ENTPD6: variants seen among roughly 807,000 people sequenced by gnomAD.
ENTPD6 encodes ectonucleoside triphosphate diphosphohydrolase 6.
ENTPD6 carries 46 observed loss-of-function variants against 61.5 expected under a neutral mutation model. That is an observed-to-expected ratio of 0.75 (90% CI 0.59 to 0.96). The LOEUF (loss-of-function observed/expected upper bound fraction) is 0.96, where lower values mean the gene tolerates loss of function less well. Ranked by LOEUF, ENTPD6 falls within the 40% of genes least tolerant of loss-of-function variation. ENTPD6 has a pLI of 0.00. For synonymous variants in ENTPD6, 252 were observed against 255.5 expected (o/e 0.99, Z 0.13); for missense variants, 612 against 629.0 (o/e 0.97, Z 0.29).
intron 9 of ENTPD6, among the ~76,000 whole-genome samples, 156 bp from the exon 10 acceptor site, chr20:25,218,394 A>C (rs2092458038): frequency 6.6e-6 from 1 of 152,056 alleles, no homozygotes; most frequent in South Asian, 2.1e-4. Flanking sequence ...AGTTTCCTCA[A>C]CTCTACAGAA....
intron 10 of ENTPD6, among the ~76,000 whole-genome samples, 154 bp downstream of exon 10, chr20:25,218,768 AC>A (rs369178415): frequency 4.7e-4 from 71 of 152,296 alleles, no homozygotes; most frequent in African/African-American, 1.6e-3. Context: ...CATGCTGGGC[AC>A]CCAGCCAGGC....
intron 13 of ENTPD6, 33 bp from the exon 14 acceptor site, chr20:25,225,172 C>T (rs1475504550): frequency 1.9e-6 from 3 of 1,594,200 alleles, no homozygotes; most frequent in Admixed American, 1.7e-5. Flanking sequence ...GTGGGAGTCA[C>T]CTGGAGCGTG....
chr20:25,206,328 C>T (rs898272617), intron 1 of ENTPD6, among the ~76,000 whole-genome samples, 194 bp from the exon 2 acceptor site: 2 of 152,240 alleles, frequency 1.3e-5, no homozygotes, highest in African/African-American at 2.4e-5. Flanking sequence ...AGAGTCGGCC[C>T]ACACTTCTTG....
chr20:25,223,031 G>C, intron 12 of ENTPD6, 53 bp downstream of exon 12: 20 of 1,464,698 alleles, frequency 1.4e-5, no homozygotes, highest in Non-Finnish European at 1.8e-5. Context: ...AGGGGGCGGG[G>C]GTGGAGGGCG....
intron 3 of ENTPD6, among the ~76,000 whole-genome samples, chr20:25,208,016 C>T (rs1052433760): frequency 6.6e-6 from 1 of 152,210 alleles, no homozygotes; most frequent in Admixed American, 6.5e-5. Flanking sequence ...ATGCCCCTCT[C>T]GTGCCCGTGA....
intron 5 of ENTPD6, chr20:25,214,597 G>A: frequency 2.3e-6 from 1 of 437,332 alleles, no homozygotes; most frequent in South Asian, 2.2e-5. Flanking sequence ...AGAGAGGCCT[G>A]AACACACTCA....
At position 25,217,592 on chromosome 20, in the gene ENTPD6, G is replaced by A. The variant is rs201270069; in HGVS notation, c.878+11G>A. ...GCTCTATTCCTACAGGTCTGCTTTC[G>A]GGAACAGGCGTGGGGAGGCGCCATG... On this transcript the variant is annotated intron_variant, in intron 9 of 14. Coordinates refer to ENST00000376652, the MANE Select transcript of ENTPD6 (RefSeq NM_001247.5). The A allele has an allele frequency of 2.2e-5, 35 of 1,613,374 alleles. No individual in the cohort carries two copies. Among genetic ancestry groups the A allele is most frequent in the African/African-American group, 5.3e-5 (4 of 74,826 alleles).
chr20:25,206,473 A>G, intron 1 of ENTPD6, 49 bp from the exon 2 acceptor site: 1 of 1,450,694 alleles, frequency 6.9e-7, no homozygotes, highest in South Asian at 1.2e-5. Context: ...ACTCTAGTAG[A>G]ATTTTTGTAG....
At chr20:25,197,803 A>T (rs539603491) in intron 1 of ENTPD6, among the ~76,000 whole-genome samples, 1 of 152,312 alleles carries the variant, frequency 6.6e-6, no homozygotes, top group South Asian at 2.1e-4. Flanking sequence ...GTCTTCCTGA[A>T]CTTGGTGTGT....
chr20:25,196,759 G>T (rs1392786136), intron 1 of ENTPD6, among the ~76,000 whole-genome samples: 2 of 152,176 alleles, frequency 1.3e-5, no homozygotes, highest in African/African-American at 4.8e-5. Flanking sequence ...CACCCGCTGT[G>T]CAAGAGCCAT....
rs532867199 is a variant in ENTPD6 at position 25,211,202 on chromosome 20, G to A, written c.453+1277G>A. Reference sequence around the variant, plus strand: ...TAGTACATTGCTCTTGTCCACAAACGTGTCATGGTCTCAGACAATGTAGTT... The same window carrying A: ...TAGTACATTGCTCTTGTCCACAAACATGTCATGGTCTCAGACAATGTAGTT... On this transcript the variant is annotated intron_variant, in intron 4 of 14. Transcript: ENST00000376652. Among the ~76,000 whole-genome samples the A allele has an allele frequency of 2.6e-5, 4 of 152,252 alleles. No homozygotes were observed. In the South Asian group the frequency reaches 6.2e-4, roughly 24 times the overall value.
chr20:25,217,976 CTCCTCCTCCTCCCACCTCCTCTG>C (rs1424062521), intron 9 of ENTPD6, among the ~76,000 whole-genome samples: 1 of 140,306 alleles, frequency 7.1e-6, no homozygotes, highest in African/African-American at 2.8e-5. Flanking sequence ...CCTCTCTCTC[CTCCTCCTCCTCCCACCTCCTCTG>C]TCCTCCTCCT....
chr20:25,207,166 CTG>C lies in ENTPD6; in HGVS notation c.152_153del (p.Val51GlyfsTer56). 1 of 1,614,108 alleles carries C rather than the reference CTG, an allele frequency of 6.2e-7. No homozygotes were observed. The highest frequency in any genetic ancestry group is 8.5e-7 in the Non-Finnish European group (1 of 1,179,986). On this transcript the variant is annotated frameshift_variant, in exon 3 of 15. Coordinates refer to ENST00000376652, the MANE Select transcript of ENTPD6 (RefSeq NM_001247.5). LOFTEE classifies it high-confidence loss of function. ...RVAKVAYPLG[L>X]CVGVFIYVAY... ...GGCGAAGGTGGCATACCCCCTGGGGCTGTGTGTGGGCGTGTTCATCTATGTTG... is the reference window on the plus strand; with the variant it reads ...GGCGAAGGTGGCATACCCCCTGGGGCTGTGTGGGCGTGTTCATCTATGTTG...
chr20:25,216,631 T>A lies in ENTPD6; in HGVS notation c.710-17T>A, dbSNP rs562022967. 6.3e-7 allele frequency: 1 copy of A among 1,583,334 alleles called. No homozygotes were observed. The highest frequency in any genetic ancestry group is 1.2e-5 in the South Asian group (1 of 86,288). On this transcript the variant is annotated splice_polypyrimidine_tract_variant and intron_variant, in intron 7 of 14. Transcript: ENST00000376652. ...CTTACTAATGCCCCTGTGCTGTTTT[T>A]GCTTGCTGTGCTCCAGGCAGCTTGA...
At chr20:25,209,741 A>T (rs952921922) in intron 3 of ENTPD6, 108 bp from the exon 4 acceptor site, 3 of 886,334 alleles carry the variant, frequency 3.4e-6, no homozygotes, top group Admixed American at 3.7e-5. Context: ...CCACTTGGGG[A>T]TTGGTCTGTG....
At chr20:25,204,739 C>G (rs966508186) in intron 1 of ENTPD6, among the ~76,000 whole-genome samples, 1 of 152,224 alleles carries the variant, frequency 6.6e-6, no homozygotes, top group Non-Finnish European at 1.5e-5. Context: ...TCTGCTCCCT[C>G]CAGTTCAAGG....
rs73339100 is a variant in ENTPD6 at position 25,225,245 on chromosome 20, C to T, written c.1284C>T (p.Phe428=). The change falls in exon 14 of 15, where the codon TTC becomes TTT. Residue 428 remains phenylalanine (F), a synonymous_variant. Coordinates refer to ENST00000376652, the MANE Select transcript of ENTPD6 (RefSeq NM_001247.5). ...TLETQPQSSP[F]SCMDLTYVSL... ...AGACACAGCCGCAGAGCAGCCCCTTCTCATGCATGGACCTCACCTACGTCA... is the reference window on the plus strand; with the variant it reads ...AGACACAGCCGCAGAGCAGCCCCTTTTCATGCATGGACCTCACCTACGTCA... 2,084 of 1,613,598 alleles carry T rather than the reference C, an allele frequency of 1.3e-3. 33 individuals are homozygous for T. In the African/African-American group the frequency reaches 0.024, roughly 19 times the overall value.
chr20:25,209,390 G>A lies in ENTPD6; in HGVS notation c.377-459G>A, dbSNP rs189072255. 7.2e-3 allele frequency among the ~76,000 whole-genome samples: 1,098 copies of A among 151,764 alleles called. 4 individuals carry two copies. The highest frequency in any genetic ancestry group is 0.024 in the Middle Eastern group (7 of 294). On this transcript the variant is annotated intron_variant, in intron 3 of 14. Transcript: ENST00000376652. Reference sequence around the variant, plus strand: ...CTCCCAAAGTGCTGGGATTACAGGCGTGAGCCACCGTGCCTGGCCGTAAAG... The same window carrying A: ...CTCCCAAAGTGCTGGGATTACAGGCATGAGCCACCGTGCCTGGCCGTAAAG...
At chr20:25,212,859 C>T (rs2092067043) in intron 4 of ENTPD6, among the ~76,000 whole-genome samples, 1 of 152,198 alleles carries the variant, frequency 6.6e-6, no homozygotes, top group African/African-American at 2.4e-5. Flanking sequence ...GCTCCCACCA[C>T]CACGCCCGGC....
Sources: gnomAD v4.1 joint callset for allele counts (sites outside exome capture counted in the v4.1 genomes callset) on GRCh38, gnomAD v4.1.1 for gene constraint, MANE v1.5 for transcripts, NCBI Gene and HGNC (gene_info 2026-07-23, HGNC 2026-07-21) for gene names.